The following CD2AP variants were observed in gnomAD, a reference collection of about 807,000 sequenced individuals.
CD2AP encodes CD2-associated protein.
CD2AP carries 46 observed loss-of-function variants against 85.1 expected under a neutral mutation model. The ratio of observed to expected loss-of-function variants is 0.54; its 90% CI spans 0.43 to 0.69. The LOEUF is 0.69. CD2AP is among the 30% of genes least tolerant of loss of function. The pLI is 0.00. For missense variants in CD2AP, 769 were observed against 729.5 expected, an observed-to-expected ratio of 1.05 and a Z score of -0.62; for synonymous variants, 255 against 252.9, an observed-to-expected ratio of 1.01 and a Z score of -0.08.
chr6:47,601,782 C>T (rs1236293269), intron 13 of CD2AP, among the ~76,000 whole-genome samples: 3 of 151,904 alleles, frequency 2.0e-5, no homozygotes, highest in Non-Finnish European at 4.4e-5. Context: ...AAGTTGAAAA[C>T]ATACATGAAA....
chr6:47,588,373 C>T (rs6458576), intron 11 of CD2AP, among the ~76,000 whole-genome samples: 91,840 of 151,918 alleles, frequency 0.6, 28,570 homozygotes, highest in Middle Eastern at 0.74. Context: ...ATGCGTTACA[C>T]AATAGGTATA....
chr6:47,559,110 G>C (rs1020381017), intron 5 of CD2AP, among the ~76,000 whole-genome samples: 3 of 152,042 alleles, frequency 2.0e-5, no homozygotes, highest in African/African-American at 7.2e-5. Flanking sequence ...GTTTATTTGC[G>C]TAGAGGTGTT....
At chr6:47,481,032 A>G (rs574791940) in intron 1 of CD2AP, among the ~76,000 whole-genome samples, 4 of 152,322 alleles carry the variant, frequency 2.6e-5, no homozygotes, top group Admixed American at 2.0e-4. Flanking sequence ...CCTATTGAGA[A>G]GTTTGAGGTA....
intron 2 of CD2AP, among the ~76,000 whole-genome samples, chr6:47,520,762 G>A (rs1400760232): frequency 7.1e-6 from 1 of 141,300 alleles, no homozygotes; most frequent in Non-Finnish European, 1.5e-5. Flanking sequence ...TGTCCCTGTG[G>A]TGTTTGACTG....
chr6:47,609,109 T>A lies in CD2AP; in HGVS notation c.1633-14T>A, dbSNP rs777815288. The A allele has an allele frequency of 1.9e-6, 3 of 1,579,514 alleles. No individual in the cohort carries two copies. The highest frequency in any genetic ancestry group is 1.8e-5 in the Admixed American group (1 of 55,646). ...TATTAAATAAAATCAGAAATTTTTT[T>A]TTTACGTTTTCAGCCATCTGTGTAC... On this transcript the variant is annotated splice_polypyrimidine_tract_variant and intron_variant, in intron 15 of 17. Transcript: ENST00000359314.
At chr6:47,559,833 A>G (rs1055812967) in intron 5 of CD2AP, among the ~76,000 whole-genome samples, 3 of 152,310 alleles carry the variant, frequency 2.0e-5, no homozygotes, top group Middle Eastern at 3.4e-3. Flanking sequence ...TTGCTGTGGT[A>G]GAAAAGAGCA....
chr6:47,533,126 T>A, intron 2 of CD2AP, among the ~76,000 whole-genome samples: 1 of 152,366 alleles, frequency 6.6e-6, no homozygotes, highest in African/African-American at 2.4e-5. Context: ...AGAATTTTAG[T>A]GTCTATAAAT....
At chr6:47,526,246 G>A (rs1196093308) in intron 2 of CD2AP, among the ~76,000 whole-genome samples, 2 of 152,168 alleles carry the variant, frequency 1.3e-5, no homozygotes, top group Non-Finnish European at 2.9e-5. Context: ...AGATTGGTGA[G>A]AGTGTATGTG....
At chr6:47,483,645 A>G (rs774666291) in intron 1 of CD2AP, among the ~76,000 whole-genome samples, 27 of 152,322 alleles carry the variant, frequency 1.8e-4, no homozygotes, top group South Asian at 2.1e-4. Flanking sequence ...TTAGTAGTCT[A>G]CATTAGTAGC....
intron 1 of CD2AP, among the ~76,000 whole-genome samples, chr6:47,490,744 A>AAATTTCCTT (rs1398529342): frequency 2.6e-5 from 4 of 152,266 alleles, no homozygotes; most frequent in African/African-American, 9.6e-5. Flanking sequence ...TACTGTGTAA[A>AAATTTCCTT]AATTTCCTTA....
At chr6:47,581,974 TA>T (rs770515578) in intron 10 of CD2AP, 28 bp from the exon 11 acceptor site, 2 of 1,474,148 alleles carry the variant, frequency 1.4e-6, no homozygotes, top group South Asian at 1.1e-5. Flanking sequence ...ACTGTCTTCT[TA>T]AAAAAGTATT....
At chr6:47,610,683 A>G (rs1186206900) in intron 16 of CD2AP, among the ~76,000 whole-genome samples, 1 of 151,648 alleles carries the variant, frequency 6.6e-6, no homozygotes, top group East Asian at 1.9e-4. Context: ...AGGAGTTTAT[A>G]ATTTAATACA....
intron 5 of CD2AP, among the ~76,000 whole-genome samples, chr6:47,559,333 C>T (rs1291068172): frequency 6.6e-6 from 1 of 150,874 alleles, no homozygotes; most frequent in Non-Finnish European, 1.5e-5. Flanking sequence ...GATCATAGCT[C>T]ACTACAGCTT....
intron 11 of CD2AP, among the ~76,000 whole-genome samples, chr6:47,586,515 TGCAAATTTATGACAAAAA>T (rs1452421584): frequency 6.6e-6 from 1 of 152,146 alleles, no homozygotes; most frequent in African/African-American, 2.4e-5. Context: ...TTTAATTTGA[TGCAAATTTATGACAAAAA>T]GCTTAAAGCC....
chr6:47,609,122 G>A lies in CD2AP; in HGVS notation c.1633-1G>A. 1 of 1,592,602 alleles carries A rather than the reference G, an allele frequency of 6.3e-7. No homozygotes were observed. On this transcript the variant is annotated splice_acceptor_variant, in intron 15 of 17. Coordinates refer to ENST00000359314, the MANE Select transcript of CD2AP (RefSeq NM_012120.3). LOFTEE classifies it high-confidence loss of function. Reference sequence around the variant, plus strand: ...CAGAAATTTTTTTTTTACGTTTTCAGCCATCTGTGTACCTTTCAACACCTT... The same window carrying A: ...CAGAAATTTTTTTTTTACGTTTTCAACCATCTGTGTACCTTTCAACACCTT...
chr6:47,496,575 T>C (rs1664391977), intron 1 of CD2AP, among the ~76,000 whole-genome samples: 1 of 152,344 alleles, frequency 6.6e-6, no homozygotes, highest in Admixed American at 6.5e-5. Flanking sequence ...TTTGCTGTAA[T>C]ATTGAACAAA....
chr6:47,520,548 T>G (rs545223472), intron 2 of CD2AP, among the ~76,000 whole-genome samples: 1 of 152,038 alleles, frequency 6.6e-6, no homozygotes, highest in South Asian at 2.1e-4. Context: ...TTTCACCTAG[T>G]GTGGAGGGAA....
At chr6:47,529,713 T>C (rs1037588108) in intron 2 of CD2AP, among the ~76,000 whole-genome samples, 1 of 152,242 alleles carries the variant, frequency 6.6e-6, no homozygotes, top group Non-Finnish European at 1.5e-5. Context: ...CTTGTTTATG[T>C]CAACTAGCCT....
At chr6:47,595,826 A>G (rs780228475) in intron 11 of CD2AP, 35 bp from the exon 12 acceptor site, 1 of 1,573,778 alleles carries the variant, frequency 6.4e-7, no homozygotes, top group South Asian at 1.1e-5. Context: ...AATAATTTTG[A>G]TTGTTAATAA....
Sources: allele counts gnomAD v4.1 joint callset (sites outside exome capture counted in the v4.1 genomes callset), GRCh38; gene constraint gnomAD v4.1.1; transcripts MANE v1.5; gene names NCBI Gene and HGNC (gene_info 2026-07-23, HGNC 2026-07-21).